Variants in PCDHB1 observed in about 807,000 individuals in gnomAD.
PCDHB1 encodes protocadherin beta 1.
In PCDHB1, 44 loss-of-function variants were observed where a neutral mutation model predicts 43.5. The ratio of observed to expected loss-of-function variants is 1.01; its 90% CI spans 0.79 to 1.30. The LOEUF is 1.30. PCDHB1 is among the 50% of genes most tolerant of loss of function. The probability of loss-of-function intolerance (pLI) is 0.00; values close to 1 mark genes in which losing one functional copy is unlikely to be tolerated. For missense variants in PCDHB1, 919 were observed against 1,008.9 expected, an observed-to-expected ratio of 0.91 and a Z score of 1.21; for synonymous variants, 392 against 400.8, an observed-to-expected ratio of 0.98 and a Z score of 0.26.
At position 141,052,701 on chromosome 5, in the gene PCDHB1, G is replaced by T; in HGVS notation, c.1231G>T (p.Asp411Tyr). Residue 411 changes from aspartate to tyrosine, a missense_variant, in exon 1 of 1, where the codon GAT (aspartate) becomes TAT (tyrosine). Transcript: ENST00000306549. Reference sequence around the variant, plus strand: ...CTCACTGGTCACTGACAGAAGCTTGGATCGGGAGGAGGTCTCAGGCTATAA... The same window carrying T: ...CTCACTGGTCACTGACAGAAGCTTGTATCGGGAGGAGGTCTCAGGCTATAA... ...SYSLVTDRSL[D>Y]REEVSGYNIT... The T allele has an allele frequency of 6.2e-7, 1 of 1,614,198 alleles. No individual in the cohort carries two copies. The highest frequency in any genetic ancestry group is 8.5e-7 in the Non-Finnish European group (1 of 1,180,040).
In PCDHB1 at chr5:141,052,696, G is replaced by T. The variant is rs376969495; in HGVS notation, c.1226G>T (p.Ser409Ile). 1 of 1,614,220 alleles carries T rather than the reference G, an allele frequency of 6.2e-7. No homozygotes were observed. The highest frequency in any genetic ancestry group is 8.5e-7 in the Non-Finnish European group (1 of 1,180,038). The change falls in exon 1 of 1, where the codon AGC becomes ATC. Residue 409 changes from serine (S) to isoleucine (I), a missense_variant. By Grantham distance (142) the Ser-to-Ile change is moderately radical. Transcript: ENST00000306549. ...TCTTACTCACTGGTCACTGACAGAA[G>T]CTTGGATCGGGAGGAGGTCTCAGGC... ...GNSYSLVTDR[S>I]LDREEVSGYN...
In PCDHB1 at chr5:141,053,262, G is replaced by C; in HGVS notation, c.1792G>C (p.Gly598Arg). ...TKVVAVDGDSGQNSWLSYHLL... is the reference protein window; with the variant it reads ...TKVVAVDGDSRQNSWLSYHLL... ...AGTGGTGGCTGTGGATGGTGACTCA[G>C]GTCAGAATTCTTGGCTTTCATATCA... The change falls in exon 1 of 1, where the codon GGT (glycine) becomes CGT (arginine). Residue 598 changes from glycine to arginine, a missense_variant. By Grantham distance (125) the Gly-to-Arg change is moderately radical (BLOSUM62 -2). Transcript: ENST00000306549. 6.2e-7 allele frequency: 1 copy of C among 1,614,230 alleles called. No homozygotes were observed. Among genetic ancestry groups the C allele is most frequent in the Non-Finnish European group, 8.5e-7 (1 of 1,180,048 alleles).
rs1365628870 is a variant in PCDHB1 at position 141,053,862 on chromosome 5, A to T, written c.2392A>T (p.Asn798Tyr). The change falls in exon 1 of 1, where the codon AAT becomes TAT. Residue 798 changes from asparagine to tyrosine, a missense_variant. Coordinates refer to ENST00000306549, the MANE Select transcript of PCDHB1 (RefSeq NM_013340.4). The stretch of plus-strand genomic sequence containing the variant: ...GGAGGCTGGCTCCAGTTTGCCCCCA[A>T]ATTCTGATAGGAATAAGTCTCAGAG... Reference protein sequence around the residue: ...KMEAGSSLPPNSDRNKSQRLE... With the variant: ...KMEAGSSLPPYSDRNKSQRLE... 1.2e-6 allele frequency: 2 copies of T among 1,614,170 alleles called. No individual in the cohort carries two copies. The highest frequency in any genetic ancestry group is 1.7e-5 in the Admixed American group (1 of 60,022).
Position 141,054,179 on chromosome 5 carries a change from C to A in PCDHB1, c.*252C>A. 1 of 412,710 alleles carries A rather than the reference C, an allele frequency of 2.4e-6. No individual in the cohort carries two copies. Among genetic ancestry groups the A allele is most frequent in the Non-Finnish European group, 4.3e-6 (1 of 231,360 alleles). The allele number at this position is 412,710 out of a possible 1,614,324, so 25.6% of individuals were successfully genotyped here. ...GGAATTCTGTTTAAAGAAATGTCAC[C>A]CTCTATAAATGCATATGTGGTAGGA... On this transcript the variant is annotated 3_prime_UTR_variant, in exon 1 of 1. Coordinates refer to ENST00000306549, the MANE Select transcript of PCDHB1 (RefSeq NM_013340.4).
Position 141,051,827 on chromosome 5 carries a change from C to T in PCDHB1, c.357C>T (p.Ala119=). 6.2e-7 allele frequency: 1 copy of T among 1,614,184 alleles called. No homozygotes were observed. The highest frequency in any genetic ancestry group is 1.1e-5 in the South Asian group (1 of 91,084). The stretch of plus-strand genomic sequence containing the variant: ...TGGAGCCGCTGCAGTCCTTCCGGGC[C>T]GAGGTCAGGGTATTTGATATCAATG... ...VLVEPLQSFR[A]EVRVFDINDN... The change falls in exon 1 of 1, where the codon GCC becomes GCT. Residue 119 remains alanine, a synonymous_variant. Coordinates refer to ENST00000306549, the MANE Select transcript of PCDHB1 (RefSeq NM_013340.4).
chr5:141,056,898 GCA>G lies in PCDHB1; in HGVS notation c.*2973_*2974del, dbSNP rs1554267888. The G allele has an allele frequency of 6.6e-6, 1 of 152,202 alleles. No individual in the cohort carries two copies. Among genetic ancestry groups the G allele is most frequent in the Non-Finnish European group, 1.5e-5 (1 of 68,048 alleles). 9.4% of individuals were successfully genotyped at this position (152,202 alleles called of 1,614,324 possible). ...GGCCTCCCAAAGTGCTAGGATTACA[GCA>G]CCATGCCCAGCCTAGAATTAATTTT... is the stretch of plus-strand genomic sequence containing the variant. On this transcript the variant is annotated 3_prime_UTR_variant, in exon 1 of 1. Transcript: ENST00000306549.
rs2233591 is a variant in PCDHB1, at chr5:141,052,623, T to C, written c.1153T>C (p.Phe385Leu). Reference sequence around the variant, plus strand: ...TCGAGTGGGAGGAAAAGTCACCTGCTTCCTCAGAGAAGACCTTCCCTTTGT... The same window carrying C: ...TCGAGTGGGAGGAAAAGTCACCTGCCTCCTCAGAGAAGACCTTCCCTTTGT... ...DIRVGGKVTC[F>L]LREDLPFVIK... Residue 385 changes from phenylalanine (F) to leucine (L), a missense_variant, in exon 1 of 1, where the codon TTC becomes CTC. Physicochemically the swap from Phe to Leu is conservative, Grantham distance 22. Transcript: ENST00000306549. 726 of 1,614,156 alleles carry C rather than the reference T, an allele frequency of 4.5e-4. 1 individual carries two copies. The African/African-American group carries it at 8.6e-3, about 19-fold the overall frequency.
chr5:141,053,688 C>G lies in PCDHB1; in HGVS notation c.2218C>G (p.Leu740Val). The G allele has an allele frequency of 6.2e-7, 1 of 1,614,108 alleles. No individual in the cohort carries two copies. Among genetic ancestry groups the G allele is most frequent in the Non-Finnish European group, 8.5e-7 (1 of 1,179,966 alleles). The change falls in exon 1 of 1, where the codon CTG (leucine) becomes GTG (valine). Residue 740 changes from leucine (L) to valine (V), a missense_variant. Coordinates refer to ENST00000306549, the MANE Select transcript of PCDHB1 (RefSeq NM_013340.4). ...FYDDCNFSNN[L>V]VQGQGNGSLS... ...TGATGACTGTAATTTCTCTAACAAC[C>G]TGGTACAAGGACAAGGCAATGGATC...
rs782096648 is a variant in PCDHB1 at position 141,053,247 on chromosome 5, G to A, written c.1777G>A (p.Val593Met). The change falls in exon 1 of 1, where the codon GTG (valine) becomes ATG (methionine). Residue 593 changes from valine to methionine, a missense_variant. Coordinates refer to ENST00000306549, the MANE Select transcript of PCDHB1 (RefSeq NM_013340.4). Reference protein sequence around the residue: ...AGYLVTKVVAVDGDSGQNSWL... With the variant: ...AGYLVTKVVAMDGDSGQNSWL... ...CTACCTAGTGACCAAAGTGGTGGCTGTGGATGGTGACTCAGGTCAGAATTC... is the reference window on the plus strand; with the variant it reads ...CTACCTAGTGACCAAAGTGGTGGCTATGGATGGTGACTCAGGTCAGAATTC... 6 of 1,614,230 alleles carry A rather than the reference G, an allele frequency of 3.7e-6. No individual in the cohort carries two copies. Among genetic ancestry groups the A allele is most frequent in the Non-Finnish European group, 4.2e-6 (5 of 1,180,028 alleles).
chr5:141,053,615 C>T lies in PCDHB1; in HGVS notation c.2145C>T (p.Tyr715=). 1.9e-6 allele frequency: 3 copies of T among 1,613,790 alleles called. No homozygotes were observed. The highest frequency in any genetic ancestry group is 2.7e-5 in the African/African-American group (2 of 75,018). ...SVIVIFIIHV[Y]QKIKYREKFT... is the part of the protein sequence containing the mutation. ...TAGTGATCTTCATTATACATGTCTA[C>T]CAAAAGATTAAATATAGAGAAAAGT... is the stretch of plus-strand genomic sequence containing the variant. The change falls in exon 1 of 1, where the codon TAC becomes TAT. Residue 715 remains tyrosine (Y), a synonymous_variant. Transcript: ENST00000306549.
In PCDHB1 at chr5:141,051,573, G is replaced by A; in HGVS notation, c.103G>A (p.Val35Met). The A allele has an allele frequency of 6.2e-7, 1 of 1,614,258 alleles. No homozygotes were observed. The highest frequency in any genetic ancestry group is 1.1e-5 in the South Asian group (1 of 91,086). ...GGATGCGACAACTATCCGCTATTCA[G>A]TGGCAGAGGAAATGGAGAGCGGCTC... ...VGDATTIRYS[V>M]AEEMESGSFV... The change falls in exon 1 of 1, where the codon GTG becomes ATG. Residue 35 changes from valine (V) to methionine (M), a missense_variant. By Grantham distance (21) the Val-to-Met change is conservative. Coordinates refer to ENST00000306549, the MANE Select transcript of PCDHB1 (RefSeq NM_013340.4).
chr5:141,053,658 T>C lies in PCDHB1; in HGVS notation c.2188T>C (p.Phe730Leu). The change falls in exon 1 of 1, where the codon TTC (phenylalanine) becomes CTC (leucine). Residue 730 changes from phenylalanine (F) to leucine (L), a missense_variant. Coordinates refer to ENST00000306549, the MANE Select transcript of PCDHB1 (RefSeq NM_013340.4). ...AGAAAAGTTCACAATTCAAGAGCAT[T>C]TCTATGATGACTGTAATTTCTCTAA... ...YREKFTIQEHFYDDCNFSNNL... is the reference protein window; with the variant it reads ...YREKFTIQEHLYDDCNFSNNL... 6.2e-7 allele frequency: 1 copy of C among 1,614,194 alleles called. No individual in the cohort carries two copies. The highest frequency in any genetic ancestry group is 2.2e-5 in the East Asian group (1 of 44,888).
chr5:141,052,704 C>T lies in PCDHB1; in HGVS notation c.1234C>T (p.Arg412Trp), dbSNP rs367887109. ...ACTGGTCACTGACAGAAGCTTGGATCGGGAGGAGGTCTCAGGCTATAATAT... is the reference window on the plus strand; with the variant it reads ...ACTGGTCACTGACAGAAGCTTGGATTGGGAGGAGGTCTCAGGCTATAATAT... ...YSLVTDRSLDREEVSGYNITI... is the reference protein window; with the variant it reads ...YSLVTDRSLDWEEVSGYNITI... The change falls in exon 1 of 1, where the codon CGG (arginine) becomes TGG (tryptophan). Residue 412 changes from arginine to tryptophan, a missense_variant. Physicochemically the swap from Arg to Trp is moderately radical, Grantham distance 101. Transcript: ENST00000306549. 29 of 1,614,160 alleles carry T rather than the reference C, an allele frequency of 1.8e-5. No individual in the cohort carries two copies. Among genetic ancestry groups the T allele is most frequent in the Non-Finnish European group, 2.5e-5 (29 of 1,180,034 alleles).
At position 141,053,252 on chromosome 5, in the gene PCDHB1, T is replaced by C; in HGVS notation, c.1782T>C (p.Asp594=). The stretch of plus-strand genomic sequence containing the variant: ...TAGTGACCAAAGTGGTGGCTGTGGA[T>C]GGTGACTCAGGTCAGAATTCTTGGC... ...GYLVTKVVAV[D]GDSGQNSWLS... Residue 594 remains aspartate (D), a synonymous_variant, in exon 1 of 1, where the codon GAT becomes GAC. Transcript: ENST00000306549. 6.2e-7 allele frequency: 1 copy of C among 1,614,248 alleles called. No homozygotes were observed. Among genetic ancestry groups the C allele is most frequent in the East Asian group, 2.2e-5 (1 of 44,884 alleles).
At position 141,051,950 on chromosome 5, in the gene PCDHB1, G is replaced by A. The variant is rs1750985373; in HGVS notation, c.480G>A (p.Leu160=). The change falls in exon 1 of 1, where the codon CTG becomes CTA. Residue 160 remains leucine, a synonymous_variant. Coordinates refer to ENST00000306549, the MANE Select transcript of PCDHB1 (RefSeq NM_013340.4). ...TTCCTCTGCAGAGCGCCCAGGATCT[G>A]GACGTGGGCCTTAACGGTCTCCAGA... ...SRFPLQSAQD[L]DVGLNGLQNY... 2 of 1,614,170 alleles carry A rather than the reference G, an allele frequency of 1.2e-6. No individual in the cohort carries two copies. Among genetic ancestry groups the A allele is most frequent in the Admixed American group, 1.7e-5 (1 of 60,022 alleles).
rs1563795903 is a variant in PCDHB1, at chr5:141,054,693, T to TG, written c.*766_*767insG. 3.6e-5 allele frequency: 5 copies of TG among 138,530 alleles called. No homozygotes were observed. Among genetic ancestry groups the TG allele is most frequent in the African/African-American group, 1.4e-4 (5 of 35,286 alleles). The allele number at this position is 138,530 out of a possible 1,614,324, so 8.6% of individuals were successfully genotyped here. On this transcript the variant is annotated 3_prime_UTR_variant, in exon 1 of 1. Coordinates refer to ENST00000306549, the MANE Select transcript of PCDHB1 (RefSeq NM_013340.4). ...TAAATTAGATGTAGTTGTTTTTTTTTTTTTTTTTTTTTTTTTTGAGACGGA... is the reference window on the plus strand; with the variant it reads ...TAAATTAGATGTAGTTGTTTTTTTTTGTTTTTTTTTTTTTTTTTGAGACGGA...
At position 141,053,425 on chromosome 5, in the gene PCDHB1, C is replaced by T; in HGVS notation, c.1955C>T (p.Ala652Val). 6.2e-7 allele frequency: 1 copy of T among 1,614,190 alleles called. No homozygotes were observed. Among genetic ancestry groups the T allele is most frequent in the South Asian group, 1.1e-5 (1 of 91,074 alleles). The change falls in exon 1 of 1, where the codon GCT becomes GTT. Residue 652 changes from alanine to valine, a missense_variant. Coordinates refer to ENST00000306549, the MANE Select transcript of PCDHB1 (RefSeq NM_013340.4). ...IILVQDHGQP[A>V]LSTTVSLNIL... ...CTTGTTCAGGATCACGGCCAACCAG[C>T]TCTTTCCACTACTGTCTCACTCAAC...
At position 141,054,373 on chromosome 5, in the gene PCDHB1, G is replaced by T. The variant is rs1283841205; in HGVS notation, c.*446G>T. ...GAAAGTTATGCATGCATAGGGAAGA[G>T]AACTACCTTCCCTTTTTGATATATT... On this transcript the variant is annotated 3_prime_UTR_variant, in exon 1 of 1. Transcript: ENST00000306549. 1.3e-5 allele frequency: 2 copies of T among 158,588 alleles called. No individual in the cohort carries two copies. Among genetic ancestry groups the T allele is most frequent in the South Asian group, 1.8e-4 (1 of 5,472 alleles). The allele number at this position is 158,588 out of a possible 1,614,324, so 9.8% of individuals were successfully genotyped here.
rs1751144647 is a variant in PCDHB1 at position 141,056,874 on chromosome 5, G to C, written c.*2947G>C. On this transcript the variant is annotated 3_prime_UTR_variant, in exon 1 of 1. Coordinates refer to ENST00000306549, the MANE Select transcript of PCDHB1 (RefSeq NM_013340.4). Reference sequence around the variant, plus strand: ...GATCTCAGGTGATCCACCCGCCTTGGCCTCCCAAAGTGCTAGGATTACAGC... The same window carrying C: ...GATCTCAGGTGATCCACCCGCCTTGCCCTCCCAAAGTGCTAGGATTACAGC... 1 of 152,166 alleles carries C rather than the reference G, an allele frequency of 6.6e-6. No homozygotes were observed. Among genetic ancestry groups the C allele is most frequent in the Non-Finnish European group, 1.5e-5 (1 of 68,046 alleles). The allele number at this position is 152,166 out of a possible 1,614,324, so 9.4% of individuals were successfully genotyped here. A position where few individuals can be genotyped will look rare whatever the true frequency, so the allele number is the denominator to read the frequency against.
Sources: allele counts gnomAD v4.1 joint callset, GRCh38; gene constraint gnomAD v4.1.1; transcripts MANE v1.5; gene names NCBI Gene and HGNC (gene_info 2026-07-23, HGNC 2026-07-21).